The following ADAMTSL1 variants were observed in gnomAD, a reference collection of about 807,000 sequenced individuals.
ADAMTSL1 encodes the protein ADAMTS like 1.
In ADAMTSL1, 126 loss-of-function variants were observed where a neutral mutation model predicts 201.8. The ratio of observed to expected loss-of-function variants is 0.62; its 90% CI spans 0.54 to 0.72. ADAMTSL1 has a LOEUF of 0.72. ADAMTSL1 is among the 30% of genes least tolerant of loss of function. The probability of loss-of-function intolerance (pLI) is 0.00; values close to 1 mark genes in which losing one functional copy is unlikely to be tolerated. For missense variants in ADAMTSL1, 2,679 were observed against 2,277.8 expected (o/e 1.18, Z -3.59); for synonymous variants, 1,121 against 903.4 (o/e 1.24, Z -4.32).
intron 1 of ADAMTSL1, among the ~76,000 whole-genome samples, chr9:18,097,505 A>C (rs1431467405): frequency 6.6e-6 from 1 of 152,202 alleles, no homozygotes; most frequent in Non-Finnish European, 1.5e-5. Context: ...TATTCTTCAA[A>C]GTCATTACAC....
chr9:17,969,053 GT>G, intron 1 of ADAMTSL1, among the ~76,000 whole-genome samples: 1 of 152,028 alleles, frequency 6.6e-6, no homozygotes, highest in South Asian at 2.1e-4. Context: ...GTTTCGGGGA[GT>G]TTTCTCCTGA....
At chr9:18,849,314 C>T (rs1486255430) in intron 23 of ADAMTSL1, among the ~76,000 whole-genome samples, 1 of 152,188 alleles carries the variant, frequency 6.6e-6, no homozygotes, top group Admixed American at 6.5e-5. Context: ...TTCACCCCAC[C>T]CGCACATTTC....
At chr9:18,430,491 T>C (rs772711846) in intron 2 of ADAMTSL1, among the ~76,000 whole-genome samples, 5 of 152,212 alleles carry the variant, frequency 3.3e-5, no homozygotes, top group Non-Finnish European at 7.3e-5. Flanking sequence ...TGTGTGTTTG[T>C]ACAGACCTTA....
intron 4 of ADAMTSL1, among the ~76,000 whole-genome samples, chr9:18,583,256 C>T (rs1355603205): frequency 6.6e-6 from 1 of 152,150 alleles, no homozygotes; most frequent in Non-Finnish European, 1.5e-5. Flanking sequence ...TGCCCTGCAT[C>T]CCAGCTGCTC....
At chr9:18,487,645 A>G (rs996293137) in intron 1 of ADAMTSL1, among the ~76,000 whole-genome samples, 3 of 152,148 alleles carry the variant, frequency 2.0e-5, no homozygotes, top group African/African-American at 7.2e-5. Flanking sequence ...ATCACAACCC[A>G]TTTTACCGGT....
rs533106868 is a variant in ADAMTSL1, at chr9:17,978,058, T to C, written c.87+71136T>C. On this transcript the variant is annotated intron_variant, in intron 1 of 29. Coordinates refer to the ADAMTSL1 transcript ENST00000680146. ...CCCTTTAAAAAAATTATATGTGAACTTCTATGTCTCTCTTTACTGGTTTTA... is the reference window on the plus strand; with the variant it reads ...CCCTTTAAAAAAATTATATGTGAACCTCTATGTCTCTCTTTACTGGTTTTA... Among the ~76,000 whole-genome samples the C allele has an allele frequency of 1.6e-4, 25 of 152,234 alleles. No individual in the cohort carries two copies. The South Asian group carries it at 5.0e-3, about 30-fold the overall frequency.
At chr9:18,087,772 T>C (rs900243540) in intron 1 of ADAMTSL1, among the ~76,000 whole-genome samples, 4 of 152,180 alleles carry the variant, frequency 2.6e-5, no homozygotes, top group Non-Finnish European at 4.4e-5. Flanking sequence ...TAGAAGAAAC[T>C]AAGCAATTTG....
At chr9:18,195,604 A>T in intron 2 of ADAMTSL1, among the ~76,000 whole-genome samples, 1 of 152,114 alleles carries the variant, frequency 6.6e-6, no homozygotes, top group East Asian at 1.9e-4. Context: ...GCAAGGAGAC[A>T]TTTCTTCTAG....
intron 1 of ADAMTSL1, among the ~76,000 whole-genome samples, chr9:17,970,242 T>C (rs1409715974): frequency 2.6e-5 from 4 of 152,038 alleles, no homozygotes; most frequent in African/African-American, 9.7e-5. Context: ...TCTTAACCTC[T>C]TCCTGCAAGG....
chr9:18,559,399 G>T (rs909817369), intron 3 of ADAMTSL1, among the ~76,000 whole-genome samples: 6 of 152,082 alleles, frequency 3.9e-5, no homozygotes, highest in Admixed American at 3.3e-4. Flanking sequence ...ATGCTGTTTT[G>T]GTTACTGTAG....
chr9:18,563,396 A>G (rs1821662156), intron 3 of ADAMTSL1, among the ~76,000 whole-genome samples: 1 of 152,122 alleles, frequency 6.6e-6, no homozygotes. Context: ...TTCATCCCAG[A>G]GGGGCACCCA....
intron 1 of ADAMTSL1, among the ~76,000 whole-genome samples, chr9:17,958,864 C>T (rs754034986): frequency 1.3e-5 from 2 of 152,020 alleles, no homozygotes; most frequent in Non-Finnish European, 2.9e-5. Flanking sequence ...TTATAATTCC[C>T]GGCAATAGTT....
At chr9:18,471,181 G>A (rs537860454), upstream of ADAMTSL1, among the ~76,000 whole-genome samples, 7 of 152,276 alleles carry the variant, frequency 4.6e-5, no homozygotes, top group African/African-American at 1.7e-4. Context: ...TATACCCATG[G>A]TAAACCCTGG....
At chr9:18,664,220 C>T (rs1829289697) in intron 9 of ADAMTSL1, among the ~76,000 whole-genome samples, 1 of 152,004 alleles carries the variant, frequency 6.6e-6, no homozygotes, top group South Asian at 2.1e-4. Context: ...TCAGAAATTG[C>T]CATGAAATTC....
chr9:18,102,283 A>T (rs1824562769), intron 1 of ADAMTSL1, among the ~76,000 whole-genome samples: 1 of 151,974 alleles, frequency 6.6e-6, no homozygotes, highest in South Asian at 2.1e-4. Context: ...TTTTTTAGCC[A>T]TTTATTTTAT....
chr9:18,830,881 A>G (rs1824933832), intron 23 of ADAMTSL1, among the ~76,000 whole-genome samples: 1 of 152,342 alleles, frequency 6.6e-6, no homozygotes, highest in African/African-American at 2.4e-5. Context: ...GAAAATCTTC[A>G]TACTAAGTCT....
At chr9:18,113,624 A>G (rs527954591) in intron 1 of ADAMTSL1, among the ~76,000 whole-genome samples, 1 of 152,128 alleles carries the variant, frequency 6.6e-6, no homozygotes, top group East Asian at 1.9e-4. Context: ...CTTGACTGGA[A>G]TGTGGATCCA....
chr9:18,648,369 C>T (rs12683814), intron 7 of ADAMTSL1, among the ~76,000 whole-genome samples: 10 of 150,518 alleles, frequency 6.6e-5, no homozygotes, highest in African/African-American at 2.2e-4. Context: ...TTTTAATTGG[C>T]GCATTTAGTC....
intron 2 of ADAMTSL1, among the ~76,000 whole-genome samples, chr9:18,458,943 C>G (rs1820708809): frequency 6.6e-6 from 1 of 152,124 alleles, no homozygotes; most frequent in South Asian, 2.1e-4. Context: ...TTTTAAAAAA[C>G]AGTATTTGCT....
Sources: gnomAD v4.1 joint callset for allele counts (sites outside exome capture counted in the v4.1 genomes callset) on GRCh38, gnomAD v4.1.1 for gene constraint, MANE v1.5 for transcripts, NCBI Gene and HGNC (gene_info 2026-07-23, HGNC 2026-07-21) for gene names.